The following DNAI7 variants were observed in gnomAD, a reference collection of about 807,000 sequenced individuals.
The protein encoded by DNAI7 is cancer susceptibility 1.
DNAI7 carries 78 observed loss-of-function variants against 86.6 expected under a neutral mutation model. The ratio of observed to expected loss-of-function variants is 0.90; its 90% CI spans 0.75 to 1.09. The LOEUF is 1.09. Ranked by LOEUF, DNAI7 falls within the 50% of genes least tolerant of loss-of-function variation. The pLI, the probability that DNAI7 is intolerant of heterozygous loss-of-function variation, is 0.00. For missense variants in DNAI7, 753 were observed against 810.2 expected (o/e 0.93, Z 0.86); for synonymous variants, 274 against 273.0 (o/e 1.00, Z -0.04).
chr12:25,186,214 C>T (rs1950023079), intron 2 of DNAI7, among the ~76,000 whole-genome samples: 1 of 152,094 alleles, frequency 6.6e-6, no homozygotes, highest in East Asian at 1.9e-4. Context: ...ATAACCTTTT[C>T]TATAGTCTTA....
At chr12:25,158,407 A>C in intron 4 of DNAI7, 65 bp downstream of exon 4, 2 of 1,315,824 alleles carry the variant, frequency 1.5e-6, no homozygotes, top group Non-Finnish European at 2.2e-6. Flanking sequence ...AAGGACATTA[A>C]ATGACAATAA....
chr12:25,145,553 C>T (rs1237316938), intron 8 of DNAI7, among the ~76,000 whole-genome samples: 5 of 152,124 alleles, frequency 3.3e-5, no homozygotes, highest in Admixed American at 2.0e-4. Context: ...AGAAAGGTTA[C>T]TATATTGTCT....
At chr12:25,176,631 T>C (rs1196075425) in intron 2 of DNAI7, among the ~76,000 whole-genome samples, 1 of 151,994 alleles carries the variant, frequency 6.6e-6, no homozygotes, top group African/African-American at 2.4e-5. Flanking sequence ...CAGAATAGGT[T>C]ATAGTAACAT....
intron 9 of DNAI7, among the ~76,000 whole-genome samples, chr12:25,130,536 CAAAATAAAATAAAAT>C (rs10557708): frequency 0.12 from 17,147 of 145,964 alleles, 1,110 homozygotes; most frequent in Middle Eastern, 0.19. Context: ...GACTCCCTCT[CAAAATAAAATAAAAT>C]AAAATAAAAT....
At chr12:25,162,763 T>A (rs1946977326) in intron 2 of DNAI7, among the ~76,000 whole-genome samples, 1 of 152,204 alleles carries the variant, frequency 6.6e-6, no homozygotes, top group South Asian at 2.1e-4. Flanking sequence ...ATACCTCCAC[T>A]TCCTCTATCC....
At chr12:25,162,951 T>C (rs920559982) in intron 2 of DNAI7, among the ~76,000 whole-genome samples, 3 of 152,204 alleles carry the variant, frequency 2.0e-5, no homozygotes, top group South Asian at 2.1e-4. Context: ...TAGCTCCAGA[T>C]TGACTACAAG....
At chr12:25,175,973 G>A (rs1433056306) in intron 2 of DNAI7, among the ~76,000 whole-genome samples, 2 of 151,916 alleles carry the variant, frequency 1.3e-5, no homozygotes, top group African/African-American at 4.8e-5. Flanking sequence ...CCAGCTACTC[G>A]GGAGGCTGAG....
intron 2 of DNAI7, among the ~76,000 whole-genome samples, chr12:25,170,344 T>C (rs369580380): frequency 2.0e-5 from 3 of 151,602 alleles, no homozygotes; most frequent in Admixed American, 1.3e-4. Context: ...TGAGCCGAGA[T>C]TGCGCCACTG....
Position 25,108,839 on chromosome 12 carries a change from A to AAAAAAAAAAAAAAAG in DNAI7, c.1894-17_1894-16insCTTTTTTTTTTTTTT. 1 of 1,112,048 alleles carries AAAAAAAAAAAAAAAG rather than the reference A, an allele frequency of 9.0e-7. No individual in the cohort carries two copies. Among genetic ancestry groups the AAAAAAAAAAAAAAAG allele is most frequent in the Non-Finnish European group, 1.2e-6 (1 of 814,768 alleles). The allele number at this position is 1,112,048 out of a possible 1,614,324, so 68.9% of individuals were successfully genotyped here. On this transcript the variant is annotated splice_polypyrimidine_tract_variant and intron_variant, in intron 15 of 15. Transcript: ENST00000395987. ...GTTCCCTCACCTAAAAAAAAAAAAA[A>AAAAAAAAAAAAAAAG]TTCAAGCAAGTTGTTAATAATTCCT...
At chr12:25,184,487 T>C (rs1471427259) in intron 2 of DNAI7, among the ~76,000 whole-genome samples, 1 of 152,174 alleles carries the variant, frequency 6.6e-6, no homozygotes, top group Admixed American at 6.5e-5. Flanking sequence ...TTCCAATGCA[T>C]AGATATACCA....
chr12:25,108,011 T>A (rs1003788898), downstream of DNAI7: 3 of 1,614,106 alleles, frequency 1.9e-6, no homozygotes, highest in Non-Finnish European at 2.5e-6. Flanking sequence ...CTAGAACATA[T>A]CTTGTGGCCA....
chr12:25,156,868 C>G (rs947214627), intron 4 of DNAI7, among the ~76,000 whole-genome samples: 3 of 152,106 alleles, frequency 2.0e-5, no homozygotes, highest in East Asian at 3.8e-4. Context: ...ACTTTTCAAG[C>G]AAGCAACACA....
intron 2 of DNAI7, among the ~76,000 whole-genome samples, chr12:25,163,529 T>C (rs914986792): frequency 6.6e-6 from 1 of 152,156 alleles, no homozygotes; most frequent in African/African-American, 2.4e-5. Context: ...TCGCTGACTC[T>C]CTTTTCGGAC....
chr12:25,157,375 T>C (rs1946312042), intron 4 of DNAI7, among the ~76,000 whole-genome samples: 1 of 151,940 alleles, frequency 6.6e-6, no homozygotes, highest in African/African-American at 2.4e-5. Flanking sequence ...TTCAATTGCA[T>C]ATCTGTATAA....
Position 25,144,488 on chromosome 12 carries a change from A to G in DNAI7, c.879T>C (p.Asn293=). 1 of 1,613,980 alleles carries G rather than the reference A, an allele frequency of 6.2e-7. No homozygotes were observed. The highest frequency in any genetic ancestry group is 8.5e-7 in the Non-Finnish European group (1 of 1,179,980). The change falls in exon 9 of 16, where the codon AAT becomes AAC. Residue 293 remains asparagine (N), a synonymous_variant. Coordinates refer to ENST00000395987, the MANE Select transcript of DNAI7 (RefSeq NM_018272.5). ...VTELVKDDVK[N]VEKAISKEVE... ...CCTCCTTGCTGATTGCTTTTTCTAC[A>G]TTCTTAACATCATCTTTGACAAGCT... is the stretch of plus-strand genomic sequence containing the variant.
In DNAI7 at chr12:25,111,802, G is replaced by A; in HGVS notation, c.1749C>T (p.His583=). 3.1e-6 allele frequency: 5 copies of A among 1,591,460 alleles called. No homozygotes were observed. In the South Asian group the frequency reaches 5.8e-5, roughly 19 times the overall value. Residue 583 remains histidine (H), a synonymous_variant, in exon 14 of 16, where the codon CAC becomes CAT. Coordinates refer to ENST00000395987, the MANE Select transcript of DNAI7 (RefSeq NM_018272.5). ...EAGLNIFPTR[H]SHFYVIINNK... is the part of the protein sequence containing the mutation. ...TGTTTATAATAACATAAAAATGAGAGTGTCTAGTAGGAAAGATATTCAGTC... is the reference window on the plus strand; with the variant it reads ...TGTTTATAATAACATAAAAATGAGAATGTCTAGTAGGAAAGATATTCAGTC...
At chr12:25,173,164 C>T (rs1050773380) in intron 2 of DNAI7, among the ~76,000 whole-genome samples, 9 of 152,078 alleles carry the variant, frequency 5.9e-5, no homozygotes, top group African/African-American at 1.7e-4. Context: ...AACAGACAAC[C>T]CACAACGTGA....
At position 25,144,657 on chromosome 12, in the gene DNAI7, G is replaced by C; in HGVS notation, c.710C>G (p.Ser237Cys). ...KNPRHRSVRFSETQIGFEIPR... is the reference protein window; with the variant it reads ...KNPRHRSVRFCETQIGFEIPR... Reference sequence around the variant, plus strand: ...AATCTCAAATCCAATTTGTGTTTCAGAGAATCTAACACTTCTGTGCCTGTT... The same window carrying C: ...AATCTCAAATCCAATTTGTGTTTCACAGAATCTAACACTTCTGTGCCTGTT... The change falls in exon 9 of 16, where the codon TCT becomes TGT. Residue 237 changes from serine to cysteine, a missense_variant. Coordinates refer to ENST00000395987, the MANE Select transcript of DNAI7 (RefSeq NM_018272.5). 6.2e-7 allele frequency: 1 copy of C among 1,613,604 alleles called. No homozygotes were observed. Among genetic ancestry groups the C allele is most frequent in the Non-Finnish European group, 8.5e-7 (1 of 1,179,720 alleles).
intron 7 of DNAI7, among the ~76,000 whole-genome samples, 163 bp from the exon 8 acceptor site, chr12:25,147,267 A>T (rs993083173): frequency 2.0e-5 from 3 of 152,216 alleles, no homozygotes; most frequent in Admixed American, 1.3e-4. Flanking sequence ...AGAATTGTTT[A>T]AAAAAATTCT....
Sources: gnomAD v4.1 joint callset for allele counts (sites outside exome capture counted in the v4.1 genomes callset) on GRCh38, gnomAD v4.1.1 for gene constraint, MANE v1.5 for transcripts, NCBI Gene and HGNC (gene_info 2026-07-23, HGNC 2026-07-21) for gene names.